The following KIR2DL1 variants were observed in gnomAD, a reference collection of about 807,000 sequenced individuals.
The protein encoded by KIR2DL1 is killer cell immunoglobulin-like receptor 2DL1.
In KIR2DL1, 38 loss-of-function variants were observed where a neutral mutation model predicts 33.9. The observed-to-expected ratio is 1.12, with a 90% confidence interval of 0.86 to 1.47. KIR2DL1 has a LOEUF of 1.47. KIR2DL1 is among the 40% of genes most tolerant of loss of function. KIR2DL1 has a pLI of 0.00. For synonymous variants in KIR2DL1, 179 were observed against 165.9 expected (o/e 1.08, Z -0.61); for missense variants, 531 against 433.9 (o/e 1.22, Z -1.99).
In KIR2DL1 at chr19:54,779,651, G is replaced by A. The variant is rs371656124; in HGVS notation, c.715+989G>A. 4.0e-3 allele frequency among the ~76,000 whole-genome samples: 538 copies of A among 135,194 alleles called. 2 individuals carry two copies. Among genetic ancestry groups the A allele is most frequent in the South Asian group, 5.4e-3 (23 of 4,228 alleles). The allele number at this position is 135,194 out of a possible 152,430, so 88.7% of individuals were successfully genotyped here. Reference sequence around the variant, plus strand: ...CTGATTAGCAACCATAATTCCATCTGCAATCTTCATTCCTCCTTTCCATGT... The same window carrying A: ...CTGATTAGCAACCATAATTCCATCTACAATCTTCATTCCTCCTTTCCATGT... On this transcript the variant is annotated intron_variant, in intron 5 of 7. Transcript: ENST00000336077.
chr19:54,773,817 A>G (rs1315143714), intron 3 of KIR2DL1, among the ~76,000 whole-genome samples, 185 bp downstream of exon 3: 23 of 148,166 alleles, frequency 1.6e-4, no homozygotes, highest in African/African-American at 5.4e-4. Flanking sequence ...AGGTGTCATA[A>G]CAGAGAACAG....
intron 6 of KIR2DL1, among the ~76,000 whole-genome samples, 163 bp from the exon 7 acceptor site, chr19:54,783,323 G>A (rs1386653141): frequency 1.3e-5 from 2 of 151,928 alleles, no homozygotes; most frequent in African/African-American, 4.8e-5. Flanking sequence ...AGCTATTCAT[G>A]GGATGGGTCC....
chr19:54,779,254 T>C (rs1336517965), intron 5 of KIR2DL1, among the ~76,000 whole-genome samples: 1 of 145,644 alleles, frequency 6.9e-6, no homozygotes, highest in Admixed American at 7.0e-5. Context: ...CAAAACGGTT[T>C]TTTAATTATC....
At position 54,769,865 on chromosome 19, in the gene KIR2DL1, C is replaced by T. The variant is rs1437769157; in HGVS notation, c.15C>T (p.Val5=). Residue 5 remains valine, a synonymous_variant, in exon 1 of 8, where the codon GTC becomes GTT. Transcript: ENST00000336077. ...CCGGCAGCACCATGTCGCTCTTGGT[C>T]GTCAGCATGGCGTGTGTTGGTGAGT... The part of the protein sequence containing the change: MSLL[V]VSMACVGFFL... The T allele has an allele frequency of 7.0e-6, 11 of 1,569,358 alleles. 1 individual carries two copies. The highest frequency in any genetic ancestry group is 1.1e-5 in the South Asian group (1 of 89,274).
chr19:54,783,406 C>T, intron 6 of KIR2DL1, 80 bp from the exon 7 acceptor site: 1 of 1,517,592 alleles, frequency 6.6e-7, no homozygotes, highest in Non-Finnish European at 9.1e-7. Flanking sequence ...ATGGTCTCCC[C>T]CTGTATGTTG....
chr19:54,773,084 A>G (rs2075940304), intron 2 of KIR2DL1, among the ~76,000 whole-genome samples: 1 of 148,646 alleles, frequency 6.7e-6, no homozygotes, highest in Admixed American at 6.8e-5. Context: ...TAGATACAAC[A>G]GCCCAAGAGA....
intron 2 of KIR2DL1, among the ~76,000 whole-genome samples, chr19:54,772,641 G>A (rs1403135558): frequency 2.1e-5 from 3 of 145,402 alleles, no homozygotes; most frequent in African/African-American, 7.6e-5. Context: ...AGGAGACAGA[G>A]GTTGCAGTGA....
intron 2 of KIR2DL1, among the ~76,000 whole-genome samples, chr19:54,771,644 C>A (rs2075740264): frequency 6.8e-6 from 1 of 148,022 alleles, no homozygotes; most frequent in South Asian, 2.1e-4. Flanking sequence ...GTCTGCCTGG[C>A]CAAGCCCTGT....
In KIR2DL1 at chr19:54,784,310, A is replaced by T. The variant is rs1287992758; in HGVS notation, c.*497A>T. 3.9e-5 allele frequency: 9 copies of T among 233,180 alleles called. No homozygotes were observed. Among genetic ancestry groups the T allele is most frequent in the Admixed American group, 2.6e-4 (5 of 19,016 alleles). 14.4% of individuals were successfully genotyped at this position (233,180 alleles called of 1,614,324 possible). ...GTAGTTTTCCATCCTTCAAATAAAC[A>T]TGTCTGCCCCCATGGTTTCGGTAAT... is the stretch of plus-strand genomic sequence containing the variant. On this transcript the variant is annotated 3_prime_UTR_variant, in exon 8 of 8. Transcript: ENST00000336077.
chr19:54,772,264 A>G (rs1286381995), intron 2 of KIR2DL1, among the ~76,000 whole-genome samples: 1 of 147,024 alleles, frequency 6.8e-6, no homozygotes, highest in African/African-American at 2.5e-5. Flanking sequence ...CAGCAGCATA[A>G]TGGGAGTCTC....
chr19:54,783,549 C>T lies in KIR2DL1; in HGVS notation c.870+11C>T, dbSNP rs1600903369. 1 of 1,613,766 alleles carries T rather than the reference C, an allele frequency of 6.2e-7. No individual in the cohort carries two copies. Among genetic ancestry groups the T allele is most frequent in the Admixed American group, 1.7e-5 (1 of 59,984 alleles). ...ACAGCGAATAGCGAGGTAGGTACTC[C>T]TCGGCCCGGGCTCGTGGCTACTGTT... On this transcript the variant is annotated intron_variant, in intron 7 of 7. Transcript: ENST00000336077.
At position 54,772,797 on chromosome 19, in the gene KIR2DL1, C is replaced by A. The variant is rs571644693; in HGVS notation, c.71-536C>A. On this transcript the variant is annotated intron_variant, in intron 2 of 7. Coordinates refer to ENST00000336077, the MANE Select transcript of KIR2DL1 (RefSeq NM_014218.3). Reference sequence around the variant, plus strand: ...CTCAGATGATGATGCCACCACCAGGCTCCATCCACATAGGGAGGGGTTGAT... The same window carrying A: ...CTCAGATGATGATGCCACCACCAGGATCCATCCACATAGGGAGGGGTTGAT... Among the ~76,000 whole-genome samples, 4 of 144,646 alleles carry A rather than the reference C, an allele frequency of 2.8e-5. No homozygotes were observed. In the South Asian group the frequency reaches 6.6e-4, roughly 24 times the overall value. 94.9% of individuals were successfully genotyped at this position (144,646 alleles called of 152,430 possible). A position where few individuals can be genotyped will look rare whatever the true frequency, so the allele number is the denominator to read the frequency against.
Position 54,772,755 on chromosome 19 carries a change from C to G in KIR2DL1, c.71-578C>G, listed in dbSNP as rs571299622. 1.7e-4 allele frequency among the ~76,000 whole-genome samples: 25 copies of G among 143,950 alleles called. 3 individuals carry two copies. Among genetic ancestry groups the G allele is most frequent in the Non-Finnish European group, 3.1e-4 (20 of 64,800 alleles). 94.4% of individuals were successfully genotyped at this position (143,950 alleles called of 152,430 possible). A position where few individuals can be genotyped will look rare whatever the true frequency, so the allele number is the denominator to read the frequency against. On this transcript the variant is annotated intron_variant, in intron 2 of 7. Coordinates refer to ENST00000336077, the MANE Select transcript of KIR2DL1 (RefSeq NM_014218.3). The stretch of plus-strand genomic sequence containing the variant: ...AACCAAACAAGGAGAAGGTTGGCTA[C>G]ACTGAGATCAGCAAGGCTCAGATGA...
Position 54,783,957 on chromosome 19 carries a change from A to C in KIR2DL1, c.*144A>C, listed in dbSNP as rs1600916102. 1.4e-5 allele frequency: 17 copies of C among 1,232,442 alleles called. No homozygotes were observed. The highest frequency in any genetic ancestry group is 3.0e-5 in the African/African-American group (2 of 67,090). The allele number at this position is 1,232,442 out of a possible 1,614,324, so 76.3% of individuals were successfully genotyped here. On this transcript the variant is annotated 3_prime_UTR_variant, in exon 8 of 8. Transcript: ENST00000336077. Reference sequence around the variant, plus strand: ...GGCATCGATCTTCCTCACACCACAAATCTGAATGTGCCTCTCTCTTGCTTA... The same window carrying C: ...GGCATCGATCTTCCTCACACCACAACTCTGAATGTGCCTCTCTCTTGCTTA...
chr19:54,774,039 G>A (rs1490643135), intron 3 of KIR2DL1, among the ~76,000 whole-genome samples: 1 of 148,632 alleles, frequency 6.7e-6, no homozygotes, highest in Non-Finnish European at 1.5e-5. Flanking sequence ...TGGGCCCTGT[G>A]GCCTCAGGCC....
chr19:54,775,303 G>A lies in KIR2DL1; in HGVS notation c.509G>A (p.Arg170Lys), dbSNP rs371173095. ...AGGGAAGGGGAGGCCCATGAACGTA[G>A]GCTCCCTGCAGGGCCCAAGGTCAAC... ...LSREGEAHER[R>K]LPAGPKVNGT... Residue 170 changes from arginine (R) to lysine (K), a missense_variant, in exon 4 of 8, where the codon AGG (arginine) becomes AAG (lysine). Arg to Lys is a conservative substitution (Grantham distance 26). Coordinates refer to ENST00000336077, the MANE Select transcript of KIR2DL1 (RefSeq NM_014218.3). 1.3e-5 allele frequency: 21 copies of A among 1,596,600 alleles called. 1 individual carries two copies. In the African/African-American group the frequency reaches 1.5e-4, roughly 11 times the overall value.
intron 1 of KIR2DL1, among the ~76,000 whole-genome samples, chr19:54,770,315 G>A (rs1473641404): frequency 4.2e-5 from 6 of 142,818 alleles, no homozygotes; most frequent in Non-Finnish European, 7.8e-5. Flanking sequence ...CCTAGAGGTC[G>A]ATATCTGGGC....
chr19:54,773,741 A>G lies in KIR2DL1; in HGVS notation c.370+109A>G, dbSNP rs1230156068. ...GAAGATGAGCTTGGTATTCTTATGG[A>G]GAGAGACTGACTTGGTGAGGTCTGT... On this transcript the variant is annotated intron_variant, in intron 3 of 7. Coordinates refer to ENST00000336077, the MANE Select transcript of KIR2DL1 (RefSeq NM_014218.3). 7.5e-6 allele frequency: 9 copies of G among 1,206,280 alleles called. 1 individual carries two copies. In the Admixed American group the frequency reaches 1.6e-4, roughly 22 times the overall value. The allele number at this position is 1,206,280 out of a possible 1,614,324, so 74.7% of individuals were successfully genotyped here. A position where few individuals can be genotyped will look rare whatever the true frequency, so the allele number is the denominator to read the frequency against.
intron 1 of KIR2DL1, 146 bp from the exon 2 acceptor site, chr19:54,770,703 T>C: frequency 8.3e-7 from 1 of 1,208,260 alleles, no homozygotes. Context: ...CCGACAGCCC[T>C]GTTCTTGGGT....
Sources: allele counts gnomAD v4.1 joint callset (sites outside exome capture counted in the v4.1 genomes callset), GRCh38; gene constraint gnomAD v4.1.1; transcripts MANE v1.5; gene names NCBI Gene and HGNC (gene_info 2026-07-23, HGNC 2026-07-21).